SYNE2: variants seen among roughly 807,000 people sequenced by gnomAD.
SYNE2 encodes the protein spectrin repeat containing nuclear envelope protein 2.
A neutral mutation model predicts 856.3 loss-of-function variants in SYNE2; 431 were observed. That is an observed-to-expected ratio of 0.50 (90% CI 0.47 to 0.55). The LOEUF is 0.55. SYNE2 is among the 20% of genes least tolerant of loss of function. The pLI, the probability that SYNE2 is intolerant of heterozygous loss-of-function variation, is 0.00. For synonymous variants in SYNE2, 2,923 were observed against 2,872.3 expected, an observed-to-expected ratio of 1.02 and a Z score of -0.56; for missense variants, 8,129 against 8,023.2, an observed-to-expected ratio of 1.01 and a Z score of -0.50.
chr14:63,886,991 A>G (rs1470400754), intron 1 of SYNE2, among the ~76,000 whole-genome samples: 1 of 152,198 alleles, frequency 6.6e-6, no homozygotes, highest in Admixed American at 6.5e-5. Context: ...TAAAGAAAAA[A>G]AGAATTTGTG....
Position 64,143,905 on chromosome 14 carries a change from T to A in SYNE2, c.15440T>A (p.Met5147Lys), listed in dbSNP as rs934080864. 13 of 1,614,114 alleles carry A rather than the reference T, an allele frequency of 8.1e-6. No homozygotes were observed. Among genetic ancestry groups the A allele is most frequent in the Non-Finnish European group, 1.1e-5 (13 of 1,180,010 alleles). Residue 5147 changes from methionine to lysine, a missense_variant, in exon 83 of 116, where the codon ATG (methionine) becomes AAG (lysine). Met to Lys is a moderately conservative substitution (Grantham distance 95). Around this residue, in one of 3 missense-constraint regions of SYNE2, gnomAD observed 5,410 missense variants for 5,284.8 expected, o/e 1.02. Coordinates refer to ENST00000555002, the MANE Select transcript of SYNE2 (RefSeq NM_182914.3). ...RTEFAEHLGE[M>K]NRQWHRVHGM... is the part of the protein sequence containing the mutation. ...GAGTTTGCAGAGCACCTGGGGGAGA[T>A]GAACCGCCAGTGGCACCGTGTACAT...
intron 86 of SYNE2, 53 bp downstream of exon 86, chr14:64,158,848 G>A (rs2098306791): frequency 6.3e-7 from 1 of 1,590,112 alleles, no homozygotes; most frequent in Non-Finnish European, 8.6e-7. Flanking sequence ...ATTACAAATG[G>A]GAGGAAGCAC....
At chr14:64,081,654 T>G in intron 57 of SYNE2, 74 bp downstream of exon 57, 2 of 1,549,234 alleles carry the variant, frequency 1.3e-6, no homozygotes. Flanking sequence ...ATTGTCTTGG[T>G]GCTTTTTTCC....
At chr14:63,968,165 A>C (rs576890880) in intron 11 of SYNE2, among the ~76,000 whole-genome samples, 1 of 152,340 alleles carries the variant, frequency 6.6e-6, no homozygotes, top group East Asian at 1.9e-4. Flanking sequence ...TCCGTCTCAA[A>C]AAAAAAAGAA....
chr14:64,163,395 T>G lies in SYNE2; in HGVS notation c.16300-7T>G. On this transcript the variant is annotated splice_region_variant and splice_polypyrimidine_tract_variant and intron_variant, in intron 88 of 115. Coordinates refer to ENST00000555002, the MANE Select transcript of SYNE2 (RefSeq NM_182914.3). ...AGAGGTGTTTGCCATCCCTTTTTCT[T>G]CTGCAGGAGCTGCAGCATGATGTGC... 6.2e-7 allele frequency: 1 copy of G among 1,613,718 alleles called. No individual in the cohort carries two copies. The highest frequency in any genetic ancestry group is 8.5e-7 in the Non-Finnish European group (1 of 1,180,010).
intron 1 of SYNE2, among the ~76,000 whole-genome samples, chr14:63,898,694 T>C (rs1241710488): frequency 1.3e-5 from 2 of 152,196 alleles, no homozygotes; most frequent in Non-Finnish European, 1.5e-5. Flanking sequence ...CATGAATCAC[T>C]GCACCTGGCC....
chr14:63,887,449 A>C (rs1428581373), intron 1 of SYNE2, among the ~76,000 whole-genome samples: 1 of 152,122 alleles, frequency 6.6e-6, no homozygotes, highest in South Asian at 2.1e-4. Context: ...AACTGATCCT[A>C]CACCCTCTGT....
chr14:64,006,768 C>T (rs2096799284), intron 30 of SYNE2, among the ~76,000 whole-genome samples: 1 of 152,092 alleles, frequency 6.6e-6, no homozygotes, highest in Non-Finnish European at 1.5e-5. Flanking sequence ...GTTGAGGCTG[C>T]AGTGAGCTGA....
chr14:64,022,051 T>G lies in SYNE2; in HGVS notation c.5524+23T>G, dbSNP rs756503352. 6 of 1,611,520 alleles carry G rather than the reference T, an allele frequency of 3.7e-6. No homozygotes were observed. The African/African-American group carries it at 8.0e-5, about 22-fold the overall frequency. ...ATGGTGAGTGCAACATTTCTCTTAT[T>G]TTGTTTCTGGGACTCTTGAAGTATG... On this transcript the variant is annotated intron_variant, in intron 37 of 115. Coordinates refer to ENST00000555002, the MANE Select transcript of SYNE2 (RefSeq NM_182914.3).
chr14:64,056,738 T>C (rs1221287075), intron 49 of SYNE2, among the ~76,000 whole-genome samples: 1 of 152,048 alleles, frequency 6.6e-6, no homozygotes, highest in Non-Finnish European at 1.5e-5. Context: ...TGGCACGATC[T>C]TGGCTCACTG....
At chr14:64,093,221 A>G in intron 60 of SYNE2, 128 bp from the exon 61 acceptor site, 5 of 1,068,380 alleles carry the variant, frequency 4.7e-6, no homozygotes, top group South Asian at 2.8e-5. Context: ...ACCACGTCCT[A>G]TTGAAATCTC....
chr14:64,206,535 TTTTTGAAAAG>T (rs1342557163), intron 100 of SYNE2, among the ~76,000 whole-genome samples: 2 of 152,086 alleles, frequency 1.3e-5, no homozygotes, highest in African/African-American at 4.8e-5. Flanking sequence ...TTGAAAATGT[TTTTTGAAAAG>T]TTTTGAAAAT....
At chr14:63,969,117 A>T (rs922777488) in intron 11 of SYNE2, among the ~76,000 whole-genome samples, 1 of 151,330 alleles carries the variant, frequency 6.6e-6, no homozygotes, top group Non-Finnish European at 1.5e-5. Flanking sequence ...ATTTCACTTG[A>T]CATAGTGACT....
chr14:64,093,570 T>C (rs1478535237), intron 61 of SYNE2, 90 bp downstream of exon 61: 2 of 1,451,570 alleles, frequency 1.4e-6, no homozygotes, highest in African/African-American at 1.4e-5. Flanking sequence ...CTAGGAGCCT[T>C]TCTAGTGGTG....
intron 57 of SYNE2, among the ~76,000 whole-genome samples, chr14:64,086,001 T>C (rs888752221): frequency 1.3e-5 from 2 of 152,238 alleles, no homozygotes; most frequent in African/African-American, 2.4e-5. Context: ...GAGCAAATGT[T>C]ATTAATTTGA....
chr14:64,224,988 T>C lies in SYNE2; in HGVS notation c.20470-11T>C, dbSNP rs1485461735. On this transcript the variant is annotated splice_polypyrimidine_tract_variant and intron_variant, in intron 114 of 115. Coordinates refer to ENST00000555002, the MANE Select transcript of SYNE2 (RefSeq NM_182914.3). ...CTTCAACTTACTAACTGGAGTTTCT[T>C]TACCCAGCAGTTCAGAGCAGTGAGA... 1 of 1,613,980 alleles carries C rather than the reference T, an allele frequency of 6.2e-7. No homozygotes were observed. The highest frequency in any genetic ancestry group is 8.5e-7 in the Non-Finnish European group (1 of 1,179,904).
intron 1 of SYNE2, among the ~76,000 whole-genome samples, chr14:63,779,782 G>C (rs530552936): frequency 6.6e-6 from 1 of 152,066 alleles, no homozygotes; most frequent in Non-Finnish European, 1.5e-5. Flanking sequence ...GTGGTGCCAC[G>C]TGCCTGTAAT....
chr14:64,000,514 G>C, intron 27 of SYNE2, 48 bp from the exon 28 acceptor site: 7 of 1,516,952 alleles, frequency 4.6e-6, no homozygotes, highest in Non-Finnish European at 6.4e-6. Flanking sequence ...GAATAATTGT[G>C]TCTATTAACC....
chr14:64,042,983 G>C (rs1260648111), intron 45 of SYNE2, among the ~76,000 whole-genome samples: 1 of 152,196 alleles, frequency 6.6e-6, no homozygotes, highest in African/African-American at 2.4e-5. Context: ...GAGACTTGTT[G>C]AATGGCTTTG....
Sources: allele counts gnomAD v4.1 joint callset (sites outside exome capture counted in the v4.1 genomes callset), GRCh38; gene constraint gnomAD v4.1.1; regional missense constraint gnomAD v4.1.1; transcripts MANE v1.5; gene names NCBI Gene and HGNC (gene_info 2026-07-23, HGNC 2026-07-21).